The following UBE2H variants were observed in gnomAD, a reference collection of about 807,000 sequenced individuals.
UBE2H encodes ubiquitin conjugating enzyme E2 H.
UBE2H carries 3 observed loss-of-function variants against 29.0 expected under a neutral mutation model. That is an observed-to-expected ratio of 0.10 (90% CI 0.05 to 0.27). UBE2H has a LOEUF of 0.27. Among genes scored for constraint, UBE2H ranks in the 10% least tolerant of loss-of-function variants. UBE2H has a pLI of 1.00. For synonymous variants in UBE2H, 69 were observed against 82.9 expected (o/e 0.83, Z 0.91); for missense variants, 68 against 228.2 (o/e 0.30, Z 4.52).
chr7:129,902,592 C>A (rs967828387), intron 1 of UBE2H, among the ~76,000 whole-genome samples: 3 of 152,196 alleles, frequency 2.0e-5, no homozygotes, highest in Non-Finnish European at 4.4e-5. Context: ...GGGTTTGAGG[C>A]CCATCTCCCC....
At chr7:129,908,712 G>A (rs763781054) in intron 1 of UBE2H, among the ~76,000 whole-genome samples, 8 of 152,134 alleles carry the variant, frequency 5.3e-5, no homozygotes, top group African/African-American at 9.7e-5. Flanking sequence ...GCAAATAATT[G>A]TTTAAACACA....
At chr7:129,877,803 A>G (rs1806177266) in intron 3 of UBE2H, among the ~76,000 whole-genome samples, 1 of 41,928 alleles carries the variant, frequency 2.4e-5, no homozygotes, top group African/African-American at 6.6e-5. Flanking sequence ...TGAGATAATC[A>G]TATTATCTAG....
intron 1 of UBE2H, among the ~76,000 whole-genome samples, chr7:129,928,768 AAT>A (rs1269315435): frequency 2.0e-5 from 3 of 152,154 alleles, no homozygotes; most frequent in Admixed American, 1.3e-4. Flanking sequence ...GTATGCCATA[AAT>A]ATGTCAATTA....
At chr7:129,848,318 T>G (rs1022946276) in intron 5 of UBE2H, among the ~76,000 whole-genome samples, 21 of 152,216 alleles carry the variant, frequency 1.4e-4, no homozygotes, top group African/African-American at 4.8e-4. Flanking sequence ...TCCAGAAGCA[T>G]GCTATCCAAA....
chr7:129,904,127 C>T (rs558126978), intron 1 of UBE2H, among the ~76,000 whole-genome samples: 130 of 152,302 alleles, frequency 8.5e-4, no homozygotes, highest in African/African-American at 2.8e-3. Flanking sequence ...CACATTCTTC[C>T]TCTCTTACCT....
At chr7:129,900,604 T>G (rs1806690780) in intron 1 of UBE2H, among the ~76,000 whole-genome samples, 1 of 152,192 alleles carries the variant, frequency 6.6e-6, no homozygotes, top group Non-Finnish European at 1.5e-5. Flanking sequence ...TATTTAGAGA[T>G]TATATTATGA....
intron 1 of UBE2H, among the ~76,000 whole-genome samples, chr7:129,888,724 C>T (rs1188559093): frequency 6.6e-6 from 1 of 152,218 alleles, no homozygotes; most frequent in African/African-American, 2.4e-5. Flanking sequence ...ATCCGTTCGC[C>T]TCAGCCTCCC....
At chr7:129,933,116 C>T (rs963883754) in intron 1 of UBE2H, among the ~76,000 whole-genome samples, 7 of 152,160 alleles carry the variant, frequency 4.6e-5, no homozygotes, top group African/African-American at 1.7e-4. Context: ...TTTTAAATAT[C>T]TGGTTTAAGT....
chr7:129,901,682 C>G (rs905651600), intron 1 of UBE2H, among the ~76,000 whole-genome samples: 2 of 152,034 alleles, frequency 1.3e-5, no homozygotes, highest in Non-Finnish European at 2.9e-5. Flanking sequence ...GCAACCTCTG[C>G]CTCCCGGGTT....
At chr7:129,894,356 G>A (rs1044355233) in intron 1 of UBE2H, among the ~76,000 whole-genome samples, 11 of 151,902 alleles carry the variant, frequency 7.2e-5, no homozygotes, top group South Asian at 4.2e-4. Flanking sequence ...CGGGAGGATC[G>A]CTTGAGCCCA....
chr7:129,842,407 G>A (rs552010671), intron 5 of UBE2H, among the ~76,000 whole-genome samples: 1 of 151,950 alleles, frequency 6.6e-6, no homozygotes, highest in East Asian at 1.9e-4. Context: ...CTCCAGCCTG[G>A]GCAAGTGAGT....
intron 3 of UBE2H, among the ~76,000 whole-genome samples, chr7:129,874,928 TAC>T (rs1484170711): frequency 6.6e-6 from 1 of 152,106 alleles, no homozygotes; most frequent in Non-Finnish European, 1.5e-5. Flanking sequence ...TGTGCACTTA[TAC>T]ACACACATAA....
At chr7:129,897,244 C>T (rs1806617528) in intron 1 of UBE2H, among the ~76,000 whole-genome samples, 1 of 152,092 alleles carries the variant, frequency 6.6e-6, no homozygotes, top group Admixed American at 6.6e-5. Flanking sequence ...TCTTGAAACT[C>T]AAATACCTAT....
At chr7:129,854,074 T>TTTTATTTTTTTTTA (rs1286944384) in intron 5 of UBE2H, among the ~76,000 whole-genome samples, 1 of 150,016 alleles carries the variant, frequency 6.7e-6, no homozygotes, top group Non-Finnish European at 1.5e-5. Flanking sequence ...TTTTTTTTTT[T>TTTTATTTTTTTTTA]TTTTTTTTGG....
At chr7:129,919,100 TA>T (rs1204331286) in intron 1 of UBE2H, among the ~76,000 whole-genome samples, 1,775 of 72,152 alleles carry the variant, frequency 0.025, 15 homozygotes, top group African/African-American at 0.059. Context: ...AAAAACAAAG[TA>T]AAAAAAAAAA....
chr7:129,852,260 T>C (rs1043687517), intron 5 of UBE2H, among the ~76,000 whole-genome samples: 2 of 152,206 alleles, frequency 1.3e-5, no homozygotes, highest in Non-Finnish European at 2.9e-5. Context: ...ATTCACAGAC[T>C]ATCTAACTGA....
At chr7:129,849,737 C>T (rs1805575583) in intron 5 of UBE2H, among the ~76,000 whole-genome samples, 2 of 152,144 alleles carry the variant, frequency 1.3e-5, no homozygotes, top group African/African-American at 2.4e-5. Context: ...GGCCACAGGG[C>T]TCACAATGCT....
At chr7:129,899,227 T>A (rs1806660278) in intron 1 of UBE2H, among the ~76,000 whole-genome samples, 1 of 147,986 alleles carries the variant, frequency 6.8e-6, no homozygotes, top group Admixed American at 6.8e-5. Flanking sequence ...AAGTATCTGT[T>A]TGCAATTTCT....
intron 1 of UBE2H, among the ~76,000 whole-genome samples, chr7:129,915,715 G>A (rs994553304): frequency 2.0e-5 from 3 of 152,094 alleles, no homozygotes; most frequent in African/African-American, 4.8e-5. Flanking sequence ...CAGCCTGCCC[G>A]TACCTGTGGC....
Sources: gnomAD v4.1 joint callset for allele counts (sites outside exome capture counted in the v4.1 genomes callset) on GRCh38, gnomAD v4.1.1 for gene constraint, MANE v1.5 for transcripts, NCBI Gene and HGNC (gene_info 2026-07-23, HGNC 2026-07-21) for gene names.